Variants in UBE4A observed in about 807,000 individuals in gnomAD.
UBE4A encodes ubiquitination factor E4A.
In UBE4A, 48 loss-of-function variants were observed where a neutral mutation model predicts 117.9. The observed-to-expected ratio is 0.41, with a 90% confidence interval of 0.32 to 0.52. The LOEUF (loss-of-function observed/expected upper bound fraction) is 0.52. Ranked by LOEUF, UBE4A falls within the 20% of genes least tolerant of loss-of-function variation. The probability of loss-of-function intolerance (pLI) is 0.33; values close to 1 mark genes in which losing one functional copy is unlikely to be tolerated. For missense variants in UBE4A, 1,067 were observed against 1,296.3 expected, an observed-to-expected ratio of 0.82 and a Z score of 2.72; for synonymous variants, 407 against 450.0, an observed-to-expected ratio of 0.90 and a Z score of 1.21.
intron 17 of UBE4A, 151 bp downstream of exon 17, chr11:118,390,056 T>A (rs531544493): frequency 2.1e-6 from 2 of 960,076 alleles, no homozygotes; most frequent in South Asian, 4.5e-5. Flanking sequence ...TAGTTTTAAA[T>A]AAGGAGATTT....
chr11:118,361,008 A>AT (rs71301652), intron 1 of UBE4A, among the ~76,000 whole-genome samples: 26,899 of 104,836 alleles, frequency 0.26, 3,684 homozygotes, highest in Middle Eastern at 0.33. Context: ...GTGTGTGTGT[A>AT]TTTTTTTTTT....
At chr11:118,376,000 C>T (rs1475756543) in intron 9 of UBE4A, among the ~76,000 whole-genome samples, 1 of 151,972 alleles carries the variant, frequency 6.6e-6, no homozygotes, top group Non-Finnish European at 1.5e-5. Flanking sequence ...TCCCTTTATA[C>T]AGAGAGAAAA....
At chr11:118,388,376 C>A (rs1948779013) in intron 16 of UBE4A, among the ~76,000 whole-genome samples, 1 of 152,100 alleles carries the variant, frequency 6.6e-6, no homozygotes. Flanking sequence ...ATAGGCCAGG[C>A]ACGGTGGCTC....
At chr11:118,392,936 T>C in intron 19 of UBE4A, 41 bp downstream of exon 19, 7 of 1,587,484 alleles carry the variant, frequency 4.4e-6, no homozygotes, top group Non-Finnish European at 6.0e-6. Context: ...CATATATATA[T>C]ATTAGTTTGC....
chr11:118,395,365 G>T (rs1259819262), intron 19 of UBE4A, among the ~76,000 whole-genome samples: 14 of 151,882 alleles, frequency 9.2e-5, no homozygotes, highest in African/African-American at 3.4e-4. Flanking sequence ...CTACCTCTTG[G>T]TATTTGGTAT....
At chr11:118,391,261 G>A (rs141644734) in intron 18 of UBE4A, among the ~76,000 whole-genome samples, 41 of 152,228 alleles carry the variant, frequency 2.7e-4, no homozygotes, top group African/African-American at 9.4e-4. Context: ...AGCCAGGGTG[G>A]GCAGATCACT....
chr11:118,394,641 C>T (rs1307661225), intron 19 of UBE4A, among the ~76,000 whole-genome samples: 2 of 151,990 alleles, frequency 1.3e-5, no homozygotes, highest in Admixed American at 1.3e-4. Flanking sequence ...AGTGGTGACA[C>T]ATGCCTGTTG....
At chr11:118,366,718 C>CAT (rs1198956667) in intron 2 of UBE4A, among the ~76,000 whole-genome samples, 2 of 152,324 alleles carry the variant, frequency 1.3e-5, no homozygotes, top group Admixed American at 1.3e-4. Flanking sequence ...GAGAAAAGTA[C>CAT]ATATAGACTC....
chr11:118,389,881 T>G lies in UBE4A; in HGVS notation c.2744T>G (p.Ile915Ser), dbSNP rs1223480405. ...DFKPQQLVSD[I>S]CTIYLNLGDE... ...AAACCCCAGCAGCTTGTATCAGATA[T>G]CTGCACTATCTACTTAAATCTTGGG... Residue 915 changes from isoleucine (I) to serine (S), a missense_variant, in exon 17 of 20, where the codon ATC becomes AGC. Physicochemically the swap from Ile to Ser is moderately radical, Grantham distance 142 (BLOSUM62 -2). This residue lies in a region of UBE4A where 1,001 missense variants were observed against 1,184.0 expected (regional missense o/e 0.85). Transcript: ENST00000252108. 3.1e-6 allele frequency: 5 copies of G among 1,605,068 alleles called. No homozygotes were observed. The highest frequency in any genetic ancestry group is 3.4e-6 in the Non-Finnish European group (4 of 1,172,866).
At chr11:118,379,833 T>TA (rs1359444833) in intron 11 of UBE4A, 83 bp downstream of exon 11, 1 of 1,431,358 alleles carries the variant, frequency 7.0e-7, no homozygotes, top group Non-Finnish European at 9.4e-7. Flanking sequence ...ATCCTCAAAA[T>TA]ACCCTTTCTT....
chr11:118,372,469 A>T (rs919736416), intron 5 of UBE4A, 38 bp from the exon 6 acceptor site: 10 of 1,585,896 alleles, frequency 6.3e-6, no homozygotes, highest in Non-Finnish European at 7.7e-6. Context: ...CAGATTACAG[A>T]GTTAGACTAT....
intron 15 of UBE4A, 127 bp from the exon 16 acceptor site, chr11:118,386,311 C>T: frequency 2.0e-6 from 2 of 1,023,316 alleles, no homozygotes; most frequent in Non-Finnish European, 2.7e-6. Flanking sequence ...AATAAAGGCT[C>T]ATGTCTTTTA....
intron 1 of UBE4A, among the ~76,000 whole-genome samples, chr11:118,363,247 A>C (rs1415166703): frequency 1.3e-5 from 2 of 152,216 alleles, no homozygotes; most frequent in Non-Finnish European, 2.9e-5. Context: ...ATAGCAAAAA[A>C]TAAAATACAG....
chr11:118,374,924 AC>A lies in UBE4A; in HGVS notation c.1147del (p.Gln383ArgfsTer3). The A allele has an allele frequency of 6.5e-7, 1 of 1,549,400 alleles. No homozygotes were observed. The highest frequency in any genetic ancestry group is 8.7e-7 in the Non-Finnish European group (1 of 1,145,652). On this transcript the variant is annotated frameshift_variant, in exon 9 of 20. Transcript: ENST00000252108. LOFTEE classifies it high-confidence loss of function. ...QFMAQFHEKI[Y>X]QMLKNLLQLS... ...ATGGCTCAGTTCCACGAAAAGATCT[AC>A]CAGATGCTGAAGAACTTACTCCAGC...
At chr11:118,382,526 G>A (rs1948714442) in intron 12 of UBE4A, 63 bp from the exon 13 acceptor site, 1 of 1,372,650 alleles carries the variant, frequency 7.3e-7, no homozygotes, top group Non-Finnish European at 9.7e-7. Context: ...TATGTGGAGA[G>A]AACAGAGTCA....
At chr11:118,364,954 G>C in intron 1 of UBE4A, 86 bp from the exon 2 acceptor site, 1 of 1,198,144 alleles carries the variant, frequency 8.3e-7, no homozygotes, top group South Asian at 2.4e-5. Flanking sequence ...TATTGTATTT[G>C]AGAAATGGGA....
chr11:118,384,422 C>T (rs886724620), intron 13 of UBE4A, among the ~76,000 whole-genome samples: 1 of 152,130 alleles, frequency 6.6e-6, no homozygotes, highest in Non-Finnish European at 1.5e-5. Context: ...AGTAAGGTAT[C>T]CTTTATCTCT....
chr11:118,394,463 T>C (rs1476014558), intron 19 of UBE4A, among the ~76,000 whole-genome samples: 3 of 152,142 alleles, frequency 2.0e-5, no homozygotes, highest in African/African-American at 7.2e-5. Flanking sequence ...GTTTGGCCTC[T>C]CCATATTTAA....
In UBE4A at chr11:118,366,433, A is replaced by G. The variant is rs139349019; in HGVS notation, c.121+1232A>G. Among the ~76,000 whole-genome samples the G allele has an allele frequency of 1.0e-3, 152 of 152,360 alleles. 1 individual carries two copies. Among genetic ancestry groups the G allele is most frequent in the African/African-American group, 3.5e-3 (147 of 41,584 alleles). ...AACTCAACAGTATAGCAGCTGAGCA[A>G]CAGAACGCTTGTCCTTCTGGCTATA... On this transcript the variant is annotated intron_variant, in intron 2 of 19. Transcript: ENST00000252108.
Sources: gnomAD v4.1 joint callset for allele counts (sites outside exome capture counted in the v4.1 genomes callset) on GRCh38, gnomAD v4.1.1 for gene constraint, gnomAD v4.1.1 regional missense constraint, MANE v1.5 for transcripts, NCBI Gene and HGNC (gene_info 2026-07-23, HGNC 2026-07-21) for gene names.